ERI1: variants seen among roughly 807,000 people sequenced by gnomAD.
The protein encoded by ERI1 is exoribonuclease 1.
A neutral mutation model predicts 39.7 loss-of-function variants in ERI1; 39 were observed. The ratio of observed to expected loss-of-function variants is 0.98; its 90% CI spans 0.76 to 1.28. The LOEUF (loss-of-function observed/expected upper bound fraction) is 1.28, where lower values mean the gene tolerates loss of function less well. Among genes scored for constraint, ERI1 ranks in the 50% most tolerant of loss-of-function variants. The probability of loss-of-function intolerance (pLI) is 0.00; values close to 1 mark genes in which losing one functional copy is unlikely to be tolerated. For missense variants in ERI1, 581 were observed against 416.9 expected (o/e 1.39, Z -3.43); for synonymous variants, 204 against 149.6 (o/e 1.36, Z -2.65).
intron 6 of ERI1, among the ~76,000 whole-genome samples, chr8:9,024,108 CCTT>C (rs550866264): frequency 1.1e-4 from 17 of 152,218 alleles, no homozygotes; most frequent in Admixed American, 4.6e-4. Context: ...CCAAAAATGA[CCTT>C]CTATCCAGTC....
At position 9,032,454 on chromosome 8, in the gene ERI1, C is replaced by A. The variant is rs1043502511; in HGVS notation, c.*2420C>A. 1 of 151,868 alleles carries A rather than the reference C, an allele frequency of 6.6e-6. No homozygotes were observed. Among genetic ancestry groups the A allele is most frequent in the African/African-American group, 2.4e-5 (1 of 41,320 alleles). 9.4% of individuals were successfully genotyped at this position (151,868 alleles called of 1,614,324 possible). ...ATTACATTTTATCTTTATTTGTGTT[C>A]TGTTGGATCAAGTATTTAACATTTG... On this transcript the variant is annotated 3_prime_UTR_variant, in exon 7 of 7. Coordinates refer to ENST00000250263, the MANE Select transcript of ERI1 (RefSeq NM_153332.4).
chr8:9,027,322 T>C (rs1797247292), intron 6 of ERI1, among the ~76,000 whole-genome samples: 1 of 152,192 alleles, frequency 6.6e-6, no homozygotes, highest in Non-Finnish European at 1.5e-5. Flanking sequence ...ATTCAGATTC[T>C]TTCCTCATTT....
intron 3 of ERI1, among the ~76,000 whole-genome samples, chr8:9,039,034 T>A (rs958540515): frequency 2.6e-5 from 4 of 152,216 alleles, no homozygotes; most frequent in African/African-American, 9.6e-5. Context: ...AAAACAGAAT[T>A]TTTGAAAGGT....
chr8:9,035,652 T>A (rs1452141311), downstream of ERI1, among the ~76,000 whole-genome samples: 1 of 152,366 alleles, frequency 6.6e-6, no homozygotes, highest in East Asian at 1.9e-4. Context: ...GAGATTAATG[T>A]TGGTTTTAAT....
Position 9,020,438 on chromosome 8 carries a change from C to A in ERI1, c.781C>A (p.Arg261=). 1 of 1,603,306 alleles carries A rather than the reference C, an allele frequency of 6.2e-7. No individual in the cohort carries two copies. Among genetic ancestry groups the A allele is most frequent in the Non-Finnish European group, 8.5e-7 (1 of 1,175,182 alleles). ...PPFAKKWINI[R]KSYGNFYKVP... is the part of the protein sequence containing the mutation. ...TTTTGCGAAAAAGTGGATCAATATT[C>A]GGAAGTCATATGGAAATTTTTACAA... Residue 261 remains arginine, a synonymous_variant, in exon 6 of 7, where the codon CGG becomes AGG. Transcript: ENST00000250263.
At chr8:9,006,960 C>T (rs1042366808) in intron 1 of ERI1, among the ~76,000 whole-genome samples, 18 of 152,112 alleles carry the variant, frequency 1.2e-4, no homozygotes, top group African/African-American at 1.4e-4. Context: ...TTACAGTTTA[C>T]GTGAGGACAA....
At chr8:9,037,397 G>A (rs1263252031), downstream of ERI1, among the ~76,000 whole-genome samples, 4 of 152,040 alleles carry the variant, frequency 2.6e-5, no homozygotes, top group East Asian at 7.7e-4. Context: ...CAGACAGCCC[G>A]GACCTTTGGC....
intron 3 of ERI1, among the ~76,000 whole-genome samples, chr8:9,049,470 G>C (rs954537284): frequency 6.6e-6 from 1 of 151,592 alleles, no homozygotes; most frequent in Non-Finnish European, 1.5e-5. Flanking sequence ...AGGGAGTGCG[G>C]GGAGTCCTGC....
intron 3 of ERI1, among the ~76,000 whole-genome samples, chr8:9,062,239 T>A (rs1585272933): frequency 1.3e-5 from 2 of 152,000 alleles, no homozygotes; most frequent in East Asian, 1.9e-4. Flanking sequence ...AAGGGGTGCA[T>A]GATCAGTCGC....
intron 3 of ERI1, among the ~76,000 whole-genome samples, chr8:9,047,223 A>T (rs112461869): frequency 6.6e-5 from 10 of 152,126 alleles, no homozygotes; most frequent in African/African-American, 2.4e-4. Flanking sequence ...AATCAAACAG[A>T]GACATTCATC....
chr8:9,026,475 G>A (rs746758387), intron 6 of ERI1, among the ~76,000 whole-genome samples: 11 of 152,026 alleles, frequency 7.2e-5, no homozygotes, highest in East Asian at 1.9e-4. Flanking sequence ...AAGTGGAGGC[G>A]TACAGTATTT....
chr8:9,036,970 C>T (rs751824335), downstream of ERI1, among the ~76,000 whole-genome samples: 1 of 152,178 alleles, frequency 6.6e-6, no homozygotes, highest in Admixed American at 6.5e-5. Flanking sequence ...CCTTTTAGCA[C>T]AATGTCCTTT....
At chr8:9,016,638 G>A (rs569463994) in intron 4 of ERI1, among the ~76,000 whole-genome samples, 33 of 151,256 alleles carry the variant, frequency 2.2e-4, no homozygotes, top group South Asian at 4.2e-4. Context: ...GAAAGATTTC[G>A]TCTGTAAAAT....
rs1797560404 is a variant in ERI1, at chr8:9,031,174, T to C, written c.*1140T>C. The stretch of plus-strand genomic sequence containing the variant: ...TTGCTTGCTTCCTGCCTTTTACCTT[T>C]TAATAAAAATTGTGATGCTACTTTA... On this transcript the variant is annotated 3_prime_UTR_variant, in exon 7 of 7. Transcript: ENST00000250263. The C allele has an allele frequency of 6.6e-6, 1 of 152,220 alleles. No homozygotes were observed. 9.4% of individuals were successfully genotyped at this position (152,220 alleles called of 1,614,324 possible). A position where few individuals can be genotyped will look rare whatever the true frequency, so the allele number is the denominator to read the frequency against.
chr8:9,029,052 C>T (rs578097143), intron 6 of ERI1, among the ~76,000 whole-genome samples: 10 of 143,148 alleles, frequency 7.0e-5, no homozygotes, highest in Non-Finnish European at 1.5e-4. Context: ...ACCACATCGT[C>T]TTTCATTCTT....
chr8:9,018,054 C>A (rs188149273), intron 4 of ERI1, among the ~76,000 whole-genome samples: 1 of 152,282 alleles, frequency 6.6e-6, no homozygotes, highest in East Asian at 1.9e-4. Flanking sequence ...TGGGGATGAT[C>A]TTAAATCTTA....
At chr8:9,022,070 A>G (rs975108392) in intron 6 of ERI1, among the ~76,000 whole-genome samples, 5 of 152,056 alleles carry the variant, frequency 3.3e-5, no homozygotes, top group Non-Finnish European at 5.9e-5. Context: ...AGATAATACA[A>G]AAATAGTTTT....
At chr8:9,013,114 G>C (rs1486047082) in intron 3 of ERI1, among the ~76,000 whole-genome samples, 1 of 151,400 alleles carries the variant, frequency 6.6e-6, no homozygotes, top group Non-Finnish European at 1.5e-5. Flanking sequence ...TCCTGGGTTC[G>C]AGCAGCTCTC....
rs1395491953 is a variant in ERI1 at position 9,023,758 on chromosome 8, A to G, written c.807+3294A>G. Among the ~76,000 whole-genome samples the G allele has an allele frequency of 3.7e-5, 5 of 135,266 alleles. No homozygotes were observed. The East Asian group carries it at 1.1e-3, about 30-fold the overall frequency. The allele number at this position is 135,266 out of a possible 152,430, so 88.7% of individuals were successfully genotyped here. On this transcript the variant is annotated intron_variant, in intron 6 of 6. Coordinates refer to ENST00000250263, the MANE Select transcript of ERI1 (RefSeq NM_153332.4). Reference sequence around the variant, plus strand: ...ATGCTAATAAGGTATATTATATGGTATGTCTAAAAACATTTTTTTTTTAAG... The same window carrying G: ...ATGCTAATAAGGTATATTATATGGTGTGTCTAAAAACATTTTTTTTTTAAG...
Sources: allele counts gnomAD v4.1 joint callset (sites outside exome capture counted in the v4.1 genomes callset), GRCh38; gene constraint gnomAD v4.1.1; transcripts MANE v1.5; gene names NCBI Gene and HGNC (gene_info 2026-07-23, HGNC 2026-07-21).